Variants in FBLN5 observed in about 807,000 individuals in gnomAD.
The protein encoded by FBLN5 is fibulin-5.
FBLN5 carries 24 observed loss-of-function variants against 61.6 expected under a neutral mutation model. The ratio of observed to expected loss-of-function variants is 0.39; its 90% CI spans 0.28 to 0.55. FBLN5 has a LOEUF of 0.55. Ranked by LOEUF, FBLN5 falls within the 20% of genes least tolerant of loss-of-function variation. The pLI is 0.65. For missense variants in FBLN5, 470 were observed against 594.1 expected (o/e 0.79, Z 2.17); for synonymous variants, 213 against 219.8 (o/e 0.97, Z 0.27).
At chr14:91,918,284 G>A (rs965488679) in intron 4 of FBLN5, among the ~76,000 whole-genome samples, 2 of 152,208 alleles carry the variant, frequency 1.3e-5, no homozygotes, top group Non-Finnish European at 2.9e-5. Context: ...GCATAGTCAG[G>A]CTTTCTGGAG....
At chr14:91,891,726 C>A (rs1007253026) in intron 5 of FBLN5, among the ~76,000 whole-genome samples, 1 of 152,198 alleles carries the variant, frequency 6.6e-6, no homozygotes, top group Admixed American at 6.5e-5. Flanking sequence ...TGAGATTACC[C>A]AGCTCTTAAG....
chr14:91,941,551 C>T (rs1220021100), intron 2 of FBLN5, among the ~76,000 whole-genome samples: 1 of 152,044 alleles, frequency 6.6e-6, no homozygotes, highest in African/African-American at 2.4e-5. Context: ...GGCCTGCACT[C>T]CCGGGAGAGG....
chr14:91,877,907 G>T, intron 9 of FBLN5: 1 of 632,318 alleles, frequency 1.6e-6, no homozygotes, highest in Non-Finnish European at 2.9e-6. Flanking sequence ...AGATGTTCTG[G>T]CTACTAAATA....
intron 10 of FBLN5, 57 bp from the exon 11 acceptor site, chr14:91,870,442 C>T: frequency 6.3e-7 from 1 of 1,578,000 alleles, no homozygotes; most frequent in Non-Finnish European, 8.7e-7. Flanking sequence ...GGCCCTGCAG[C>T]CCCACCTGGG....
At chr14:91,870,874 T>A (rs1168176205) in intron 10 of FBLN5, among the ~76,000 whole-genome samples, 1 of 152,128 alleles carries the variant, frequency 6.6e-6, no homozygotes, top group Non-Finnish European at 1.5e-5. Flanking sequence ...AACGAATCAT[T>A]GATTGAAACT....
At chr14:91,902,525 T>C (rs1890503538) in intron 4 of FBLN5, among the ~76,000 whole-genome samples, 1 of 152,200 alleles carries the variant, frequency 6.6e-6, no homozygotes, top group Admixed American at 6.5e-5. Flanking sequence ...TAATGACACA[T>C]TTTACCTAAA....
intron 4 of FBLN5, among the ~76,000 whole-genome samples, chr14:91,921,267 C>T (rs2140023619): frequency 6.6e-6 from 1 of 152,300 alleles, no homozygotes; most frequent in Middle Eastern, 3.4e-3. Context: ...AGAGTTTCTG[C>T]CAATGCTTGT....
Position 91,885,474 on chromosome 14 carries a change from G to T in FBLN5, c.739+1719C>A, listed in dbSNP as rs528221805. 5.3e-5 allele frequency among the ~76,000 whole-genome samples: 8 copies of T among 152,266 alleles called. No homozygotes were observed. In the South Asian group the frequency reaches 1.7e-3, roughly 32 times the overall value. On this transcript the variant is annotated intron_variant, in intron 7 of 10. Coordinates refer to ENST00000342058, the MANE Select transcript of FBLN5 (RefSeq NM_006329.4). ...AGGAATATTTGTCTCTCAGTGGCCC[G>T]CCTACCTTGGATCCTCCCTGGGACA...
At chr14:91,891,196 C>A (rs985149484) in intron 6 of FBLN5, 25 bp downstream of exon 6, 1 of 1,339,926 alleles carries the variant, frequency 7.5e-7, no homozygotes, top group South Asian at 1.2e-5. Flanking sequence ...CACATCATGT[C>A]CAAGTTATCA....
intron 4 of FBLN5, among the ~76,000 whole-genome samples, chr14:91,917,828 G>A (rs924430084): frequency 5.9e-5 from 9 of 152,126 alleles, no homozygotes; most frequent in Non-Finnish European, 1.0e-4. Context: ...CACTTTAAAA[G>A]GTAAATGAGA....
At chr14:91,870,854 T>C (rs559880861) in intron 10 of FBLN5, among the ~76,000 whole-genome samples, 3 of 152,274 alleles carry the variant, frequency 2.0e-5, no homozygotes, top group African/African-American at 7.2e-5. Context: ...AAAACATATA[T>C]TGAATGATGA....
chr14:91,925,866 G>A (rs998624113), intron 4 of FBLN5, among the ~76,000 whole-genome samples: 1 of 152,184 alleles, frequency 6.6e-6, no homozygotes, highest in Non-Finnish European at 1.5e-5. Flanking sequence ...CCCACAAGGC[G>A]CTTAAGGAAC....
intron 10 of FBLN5, among the ~76,000 whole-genome samples, chr14:91,876,186 C>T (rs575563164): frequency 5.3e-5 from 8 of 152,160 alleles, no homozygotes; most frequent in South Asian, 2.1e-4. Context: ...AGTGGTTTCC[C>T]GGGGAGGGTC....
At chr14:91,935,857 C>T (rs1404638096) in intron 4 of FBLN5, among the ~76,000 whole-genome samples, 1 of 152,214 alleles carries the variant, frequency 6.6e-6, no homozygotes. Flanking sequence ...CATTAACCAG[C>T]TCTGTCTTTC....
chr14:91,898,856 C>T (rs1263090200), intron 4 of FBLN5, among the ~76,000 whole-genome samples: 1 of 137,152 alleles, frequency 7.3e-6, no homozygotes, highest in Non-Finnish European at 1.5e-5. Context: ...GGCTGGACTG[C>T]AGTGGCGCAA....
intron 6 of FBLN5, among the ~76,000 whole-genome samples, chr14:91,890,485 G>C (rs898253639): frequency 3.9e-5 from 6 of 152,236 alleles, no homozygotes; most frequent in Admixed American, 3.9e-4. Context: ...TGAGGGGGAA[G>C]TCGGGGGCCA....
intron 4 of FBLN5, among the ~76,000 whole-genome samples, chr14:91,904,447 C>A (rs1595316429): frequency 6.6e-6 from 1 of 152,326 alleles, no homozygotes; most frequent in East Asian, 1.9e-4. Flanking sequence ...CTAGTCCCAC[C>A]CTAGCAATGG....
chr14:91,921,948 C>T (rs2430369), intron 4 of FBLN5, among the ~76,000 whole-genome samples: 105,028 of 152,098 alleles, frequency 0.69, 36,369 homozygotes, highest in Admixed American at 0.71. Context: ...TGCTGGTCAG[C>T]CTAAATCACA....
At position 91,940,572 on chromosome 14, in the gene FBLN5, C is replaced by T; in HGVS notation, c.117G>A (p.Gln39=). ...ATCCACAGTGGCTCATACCTAAACA[C>T]TGTCCTGACTGGCGATCCAGGTCAA... ...NGFDLDRQSG[Q]CLDIDECRTI... Residue 39 remains glutamine (Q), a synonymous_variant, in exon 3 of 11, where the codon CAG becomes CAA. Coordinates refer to ENST00000342058, the MANE Select transcript of FBLN5 (RefSeq NM_006329.4). 1 of 1,613,982 alleles carries T rather than the reference C, an allele frequency of 6.2e-7. No individual in the cohort carries two copies. Among genetic ancestry groups the T allele is most frequent in the Non-Finnish European group, 8.5e-7 (1 of 1,179,914 alleles).
Sources: allele counts gnomAD v4.1 joint callset (sites outside exome capture counted in the v4.1 genomes callset), GRCh38; gene constraint gnomAD v4.1.1; transcripts MANE v1.5; gene names NCBI Gene and HGNC (gene_info 2026-07-23, HGNC 2026-07-21).